THRAP3: variants seen among roughly 807,000 people sequenced by gnomAD.
The protein encoded by THRAP3 is thyroid hormone receptor-associated protein 3.
THRAP3 carries 16 observed loss-of-function variants against 101.0 expected under a neutral mutation model. The observed-to-expected ratio is 0.16, with a 90% CI of 0.11 to 0.24. The LOEUF (loss-of-function observed/expected upper bound fraction) is 0.24. THRAP3 is among the 10% of genes least tolerant of loss of function. The pLI, the probability that THRAP3 is intolerant of heterozygous loss-of-function variation, is 1.00. For missense variants in THRAP3, 989 were observed against 1,202.7 expected (o/e 0.82, Z 2.63); for synonymous variants, 407 against 422.6 (o/e 0.96, Z 0.45).
At chr1:36,222,805 T>C (rs1557798411), upstream of THRAP3, among the ~76,000 whole-genome samples, 1 of 152,214 alleles carries the variant, frequency 6.6e-6, no homozygotes, top group Non-Finnish European at 1.5e-5. Context: ...GGGCATTGTA[T>C]ACAGTAGACA....
At position 36,289,200 on chromosome 1, in the gene THRAP3, C is replaced by T; in HGVS notation, c.1181C>T (p.Ala394Val). ...GDGKMKSDSF[A>V]PKTDSEKPFR... is the part of the protein sequence containing the mutation. ...GGAAAAATGAAATCTGATTCTTTTGCTCCCAAAACTGATTCTGAGAAGCCT... is the reference window on the plus strand; with the variant it reads ...GGAAAAATGAAATCTGATTCTTTTGTTCCCAAAACTGATTCTGAGAAGCCT... Residue 394 changes from alanine (A) to valine (V), a missense_variant, in exon 5 of 12, where the codon GCT becomes GTT. By Grantham distance (64) the Ala-to-Val change is moderately conservative. Coordinates refer to ENST00000354618, the MANE Select transcript of THRAP3 (RefSeq NM_005119.4). The T allele has an allele frequency of 6.2e-7, 1 of 1,614,148 alleles. No homozygotes were observed. The highest frequency in any genetic ancestry group is 8.5e-7 in the Non-Finnish European group (1 of 1,180,050).
chr1:36,291,429 A>G lies in THRAP3; in HGVS notation c.1801A>G (p.Asn601Asp). ...RKLCRDLVHSNKKEQEFRSIF... is the reference protein window; with the variant it reads ...RKLCRDLVHSDKKEQEFRSIF... ...GCTTTGCCGAGATCTAGTCCATAGC[A>G]ACAAAAAGGAACAGGAGTTTCGTTC... Residue 601 changes from asparagine to aspartate, a missense_variant, in exon 6 of 12, where the codon AAC becomes GAC. Coordinates refer to ENST00000354618, the MANE Select transcript of THRAP3 (RefSeq NM_005119.4). 6.2e-7 allele frequency: 1 copy of G among 1,614,232 alleles called. No individual in the cohort carries two copies. The highest frequency in any genetic ancestry group is 8.5e-7 in the Non-Finnish European group (1 of 1,180,044).
At chr1:36,264,533 G>C (rs1308774576) in intron 2 of THRAP3, among the ~76,000 whole-genome samples, 1 of 152,192 alleles carries the variant, frequency 6.6e-6, no homozygotes, top group Admixed American at 6.5e-5. Flanking sequence ...ATTTTAGAAT[G>C]ATAATTTGCT....
At position 36,293,832 on chromosome 1, in the gene THRAP3, T is replaced by C; in HGVS notation, c.2031-19T>C. 1 of 1,600,596 alleles carries C rather than the reference T, an allele frequency of 6.2e-7. No individual in the cohort carries two copies. ...TTCACACAATGGAATACTATATCGTTTTGTATTTTCAATTTTAGGAGAATA... is the reference window on the plus strand; with the variant it reads ...TTCACACAATGGAATACTATATCGTCTTGTATTTTCAATTTTAGGAGAATA... On this transcript the variant is annotated intron_variant, in intron 7 of 11. Coordinates refer to ENST00000354618, the MANE Select transcript of THRAP3 (RefSeq NM_005119.4).
Position 36,291,477 on chromosome 1 carries a change from G to C in THRAP3, c.1849G>C (p.Ala617Pro), listed in dbSNP as rs1260293042. The change falls in exon 6 of 12, where the codon GCT becomes CCT. Residue 617 changes from alanine to proline, a missense_variant. Ala to Pro is a conservative substitution (Grantham distance 27). Coordinates refer to ENST00000354618, the MANE Select transcript of THRAP3 (RefSeq NM_005119.4). ...TTCCATTTTCCAGCACATACAATCAGCTCAGTCTCAGCGTAGCCCCTCAGA... is the reference window on the plus strand; with the variant it reads ...TTCCATTTTCCAGCACATACAATCACCTCAGTCTCAGCGTAGCCCCTCAGA... ...FRSIFQHIQS[A>P]QSQRSPSELF... 6.2e-7 allele frequency: 1 copy of C among 1,614,072 alleles called. No homozygotes were observed. Among genetic ancestry groups the C allele is most frequent in the Non-Finnish European group, 8.5e-7 (1 of 1,180,040 alleles).
At position 36,234,510 on chromosome 1, in the gene THRAP3, G is replaced by A. The variant is rs114391645; in HGVS notation, c.-135+10005G>A. Among the ~76,000 whole-genome samples the A allele has an allele frequency of 7.5e-3, 1,140 of 152,218 alleles. 17 individuals are homozygous for A. Among genetic ancestry groups the A allele is most frequent in the African/African-American group, 0.025 (1,048 of 41,524 alleles). On this transcript the variant is annotated intron_variant, in intron 1 of 11. Coordinates refer to ENST00000354618, the MANE Select transcript of THRAP3 (RefSeq NM_005119.4). Reference sequence around the variant, plus strand: ...GAGATTTTTACTGTTATGGTATGTCGTATGTATATATATTTTTTCCTTTGG... The same window carrying A: ...GAGATTTTTACTGTTATGGTATGTCATATGTATATATATTTTTTCCTTTGG...
chr1:36,283,953 A>G (rs1022488182), intron 3 of THRAP3, among the ~76,000 whole-genome samples: 1 of 152,186 alleles, frequency 6.6e-6, no homozygotes, highest in Non-Finnish European at 1.5e-5. Context: ...ACCTCAGGAA[A>G]TTGCTTTTAA....
chr1:36,301,403 A>G, intron 10 of THRAP3, 150 bp from the exon 11 acceptor site: 2 of 1,065,052 alleles, frequency 1.9e-6, no homozygotes, highest in Non-Finnish European at 2.7e-6. Context: ...GATGAGCAGA[A>G]AGGGAATGGC....
chr1:36,263,927 G>A (rs139935348), intron 2 of THRAP3, among the ~76,000 whole-genome samples: 1 of 152,324 alleles, frequency 6.6e-6, no homozygotes, highest in Non-Finnish European at 1.5e-5. Context: ...GGTCTTTCTT[G>A]ATAATACGAC....
chr1:36,232,786 G>A (rs1645042239), intron 1 of THRAP3, among the ~76,000 whole-genome samples: 1 of 152,136 alleles, frequency 6.6e-6, no homozygotes, highest in South Asian at 2.1e-4. Flanking sequence ...TTGCCAAGGG[G>A]CAAGAGGGTA....
Position 36,292,728 on chromosome 1 carries a change from T to C in THRAP3, c.2030+19T>C, listed in dbSNP as rs892862796. On this transcript the variant is annotated intron_variant, in intron 7 of 11. Transcript: ENST00000354618. ...TACACAGGTAAGGACCATGGCCTTA[T>C]ACTGGAGGTTGTAATAAAAGACTTT... The C allele has an allele frequency of 5.2e-6, 8 of 1,550,116 alleles. No individual in the cohort carries two copies. The East Asian group carries it at 9.0e-5, about 17-fold the overall frequency.
chr1:36,263,407 C>T (rs906545794), intron 2 of THRAP3, among the ~76,000 whole-genome samples: 2 of 152,028 alleles, frequency 1.3e-5, no homozygotes, highest in African/African-American at 4.8e-5. Context: ...GACAATAATT[C>T]CATTTTTAAA....
At chr1:36,278,767 C>G (rs1388090111) in intron 2 of THRAP3, among the ~76,000 whole-genome samples, 1 of 151,666 alleles carries the variant, frequency 6.6e-6, no homozygotes, top group African/African-American at 2.4e-5. Context: ...ACTAAAAGTA[C>G]AAAAAATTAG....
Position 36,304,945 on chromosome 1 carries a change from C to G in THRAP3, c.*928C>G, listed in dbSNP as rs1042088235. On this transcript the variant is annotated 3_prime_UTR_variant, in exon 12 of 12. Coordinates refer to ENST00000354618, the MANE Select transcript of THRAP3 (RefSeq NM_005119.4). Reference sequence around the variant, plus strand: ...TCTTTTTATAAAATGAAAAGAAACTCCTATGATCGATTAAGGAAGGTGGTT... The same window carrying G: ...TCTTTTTATAAAATGAAAAGAAACTGCTATGATCGATTAAGGAAGGTGGTT... 4.8e-6 allele frequency: 1 copy of G among 208,852 alleles called. No homozygotes were observed. Among genetic ancestry groups the G allele is most frequent in the African/African-American group, 2.3e-5 (1 of 43,796 alleles). The allele number at this position is 208,852 out of a possible 1,614,324, so 12.9% of individuals were successfully genotyped here. A position where few individuals can be genotyped will look rare whatever the true frequency, so the allele number is the denominator to read the frequency against.
chr1:36,295,954 C>CTTTTTTTTTTTTTTTT (rs575028397), intron 8 of THRAP3, among the ~76,000 whole-genome samples: 1 of 60,488 alleles, frequency 1.7e-5, no homozygotes, highest in Non-Finnish European at 2.8e-5. Flanking sequence ...GCCTTCTCAA[C>CTTTTTTTTTTTTTTTT]TTTTTTTTTT....
upstream of THRAP3, among the ~76,000 whole-genome samples, chr1:36,222,894 C>T (rs539649650): frequency 6.6e-6 from 1 of 151,994 alleles, no homozygotes; most frequent in African/African-American, 2.4e-5. Context: ...TTTGGAAGGC[C>T]GAGGCAGGTG....
chr1:36,209,634 G>T, the THRAP3 span, among the ~76,000 whole-genome samples: 1 of 152,182 alleles, frequency 6.6e-6, no homozygotes, highest in Non-Finnish European at 1.5e-5. Context: ...CCAGCAAGTA[G>T]CTTGGAGGAG....
At chr1:36,237,883 A>G (rs1369766183) in intron 1 of THRAP3, among the ~76,000 whole-genome samples, 2 of 152,182 alleles carry the variant, frequency 1.3e-5, no homozygotes, top group Admixed American at 6.5e-5. Flanking sequence ...GTACAGTGGC[A>G]TGAACATAGC....
chr1:36,278,957 T>C (rs1246816298), intron 2 of THRAP3, among the ~76,000 whole-genome samples: 1 of 151,576 alleles, frequency 6.6e-6, no homozygotes, highest in African/African-American at 2.4e-5. Flanking sequence ...TAAAATAAAA[T>C]AAATACATAA....
Sources: allele counts gnomAD v4.1 joint callset (sites outside exome capture counted in the v4.1 genomes callset), GRCh38; gene constraint gnomAD v4.1.1; transcripts MANE v1.5; gene names NCBI Gene and HGNC (gene_info 2026-07-23, HGNC 2026-07-21).